ZFHX3: variants seen among roughly 807,000 people sequenced by gnomAD.
ZFHX3 encodes the protein zinc finger homeobox protein 3.
Under a neutral mutation model 279.1 loss-of-function variants are expected in ZFHX3, and 42 were observed. That is an observed-to-expected ratio of 0.15 (90% CI 0.12 to 0.19). The LOEUF (loss-of-function observed/expected upper bound fraction) is 0.19, where lower values mean the gene tolerates loss of function less well. Among genes scored for constraint, ZFHX3 ranks in the 10% least tolerant of loss-of-function variants. The pLI, the probability that ZFHX3 is intolerant of heterozygous loss-of-function variation, is 1.00. For missense variants in ZFHX3, 4,981 were observed against 4,754.0 expected (o/e 1.05, Z -1.40); for synonymous variants, 2,293 against 1,957.8 (o/e 1.17, Z -4.52).
intron 2 of ZFHX3, among the ~76,000 whole-genome samples, chr16:73,638,903 G>T (rs2052550460): frequency 6.6e-6 from 1 of 152,168 alleles, no homozygotes; most frequent in African/African-American, 2.4e-5. Context: ...AGGTCTTGGG[G>T]TATGGCTTTA....
At chr16:73,793,480 A>T (rs1470198318) in intron 1 of ZFHX3, among the ~76,000 whole-genome samples, 1 of 152,230 alleles carries the variant, frequency 6.6e-6, no homozygotes, top group Non-Finnish European at 1.5e-5. Context: ...GCAAGCCAAC[A>T]TATCTCCAAC....
chr16:73,516,845 C>T (rs1042422466), intron 2 of ZFHX3, among the ~76,000 whole-genome samples: 2 of 152,198 alleles, frequency 1.3e-5, no homozygotes, highest in Non-Finnish European at 2.9e-5. Context: ...ATTGAAGTCA[C>T]TGTTCTCCCC....
intron 1 of ZFHX3, among the ~76,000 whole-genome samples, chr16:72,980,356 C>T (rs774412745): frequency 1.3e-5 from 2 of 152,090 alleles, no homozygotes; most frequent in African/African-American, 2.4e-5. Flanking sequence ...CAGCTAGATG[C>T]GCTATGTAGT....
intron 5 of ZFHX3, among the ~76,000 whole-genome samples, chr16:72,814,768 C>A (rs1007735490): frequency 1.3e-5 from 2 of 152,216 alleles, no homozygotes; most frequent in African/African-American, 2.4e-5. Flanking sequence ...CCTGCTTTAA[C>A]ATGAAATGCT....
intron 1 of ZFHX3, among the ~76,000 whole-genome samples, chr16:72,986,139 T>A (rs976178739): frequency 2.0e-5 from 3 of 147,534 alleles, no homozygotes; most frequent in East Asian, 4.4e-4. Flanking sequence ...AGGCACTCCA[T>A]GGCCCGTCCT....
intron 1 of ZFHX3, among the ~76,000 whole-genome samples, chr16:72,971,095 G>A (rs576411931): frequency 1.3e-5 from 2 of 152,274 alleles, no homozygotes; most frequent in East Asian, 3.9e-4. Flanking sequence ...GGATCACGCT[G>A]CTGTTTATGT....
chr16:73,312,318 G>C (rs1240052872), intron 4 of ZFHX3, among the ~76,000 whole-genome samples: 1 of 152,072 alleles, frequency 6.6e-6, no homozygotes, highest in African/African-American at 2.4e-5. Flanking sequence ...CATGGGCCCA[G>C]ACCACAGAGC....
intron 2 of ZFHX3, among the ~76,000 whole-genome samples, chr16:73,565,758 G>A (rs1477475059): frequency 1.3e-5 from 2 of 152,110 alleles, no homozygotes; most frequent in South Asian, 2.1e-4. Context: ...TGTGAAGTAA[G>A]AATTCTCAAT....
chr16:72,918,735 TC>T (rs970941226), intron 3 of ZFHX3, among the ~76,000 whole-genome samples: 14 of 150,442 alleles, frequency 9.3e-5, no homozygotes, highest in Non-Finnish European at 1.9e-4. Context: ...TTGCTCTGTC[TC>T]CCAGGCTGGA....
intron 1 of ZFHX3, among the ~76,000 whole-genome samples, chr16:73,835,297 G>A (rs1273884546): frequency 1.3e-5 from 2 of 151,972 alleles, no homozygotes; most frequent in Non-Finnish European, 2.9e-5. Flanking sequence ...TAGCTTTGGG[G>A]TAGCGTGTTT....
intron 4 of ZFHX3, among the ~76,000 whole-genome samples, chr16:72,872,976 T>C (rs1027918489): frequency 2.0e-5 from 3 of 152,180 alleles, no homozygotes; most frequent in African/African-American, 7.2e-5. Flanking sequence ...TGGGGTCTTC[T>C]TCCTCTGTCT....
exon 1 of ZFHX3, chr16:73,058,732 T>A (rs1965629807): frequency 2.2e-5 from 3 of 133,490 alleles, no homozygotes; most frequent in Non-Finnish European, 4.5e-5. Context: ...GCGGCGGAGC[T>A]GGAGCGCGCT....
At chr16:72,844,204 T>C (rs1303164053) in intron 4 of ZFHX3, among the ~76,000 whole-genome samples, 4 of 152,186 alleles carry the variant, frequency 2.6e-5, no homozygotes, top group Admixed American at 2.0e-4. Flanking sequence ...CACAGAGAAC[T>C]AGCAAAAGCC....
At chr16:73,054,174 A>C (rs1350673552) in intron 1 of ZFHX3, among the ~76,000 whole-genome samples, 1 of 152,186 alleles carries the variant, frequency 6.6e-6, no homozygotes, top group Non-Finnish European at 1.5e-5. Flanking sequence ...TCCACGTTTC[A>C]CTTAATACAA....
At chr16:73,413,450 C>T (rs564038946) in intron 3 of ZFHX3, among the ~76,000 whole-genome samples, 1 of 152,200 alleles carries the variant, frequency 6.6e-6, no homozygotes, top group Admixed American at 6.5e-5. Context: ...TGTAATTGAC[C>T]CCAAGACATA....
At chr16:73,604,880 T>C (rs1395697057) in intron 2 of ZFHX3, among the ~76,000 whole-genome samples, 1 of 152,186 alleles carries the variant, frequency 6.6e-6, no homozygotes, top group African/African-American at 2.4e-5. Context: ...GACCTTTTTT[T>C]CAATCTCTAC....
chr16:73,318,356 G>C (rs1286439872), intron 3 of ZFHX3: 1 of 152,188 alleles, frequency 6.6e-6, no homozygotes, highest in Non-Finnish European at 1.5e-5. Context: ...TCCAGGTACA[G>C]AATTAGAGTC....
At position 73,204,800 on chromosome 16, in the gene ZFHX3, C is replaced by T. The variant is rs892228410; in HGVS notation, c.-1104+52247G>A. 2.6e-5 allele frequency among the ~76,000 whole-genome samples: 4 copies of T among 152,222 alleles called. No homozygotes were observed. In the South Asian group the frequency reaches 6.2e-4, roughly 24 times the overall value. On this transcript the variant is annotated intron_variant, in intron 5 of 17. Transcript: ENST00000641206. The stretch of plus-strand genomic sequence containing the variant: ...GGAGCTGTTGCTAGTTGAACCTTCA[C>T]AATAACCTCAGCAGGGTAGTCACGG...
intron 2 of ZFHX3, among the ~76,000 whole-genome samples, chr16:73,507,482 C>A (rs1187898234): frequency 7.6e-6 from 1 of 131,864 alleles, no homozygotes; most frequent in South Asian, 2.6e-4. Flanking sequence ...TTCAGCTCTG[C>A]CACTTTTTTT....
Sources: gnomAD v4.1 joint callset for allele counts (sites outside exome capture counted in the v4.1 genomes callset) on GRCh38, gnomAD v4.1.1 for gene constraint, MANE v1.5 for transcripts, NCBI Gene and HGNC (gene_info 2026-07-23, HGNC 2026-07-21) for gene names.